Variants in FRMD5 observed in about 807,000 individuals in gnomAD.
The protein encoded by FRMD5 is FERM domain-containing protein 5.
In FRMD5, 20 loss-of-function variants were observed where a neutral mutation model predicts 69.0. The observed-to-expected ratio is 0.29, with a 90% CI of 0.20 to 0.42. The LOEUF (loss-of-function observed/expected upper bound fraction) is 0.42. Among genes scored for constraint, FRMD5 ranks in the 10% least tolerant of loss-of-function variants. The pLI, the probability that FRMD5 is intolerant of heterozygous loss-of-function variation, is 1.00. For synonymous variants in FRMD5, 271 were observed against 260.1 expected (o/e 1.04, Z -0.40); for missense variants, 595 against 708.6 (o/e 0.84, Z 1.82).
chr15:43,954,937 T>C (rs1468091028), intron 1 of FRMD5, among the ~76,000 whole-genome samples: 2 of 152,230 alleles, frequency 1.3e-5, no homozygotes, highest in African/African-American at 2.4e-5. Context: ...ATGGAAGCTA[T>C]TATAATAATT....
chr15:44,135,145 A>G (rs2077163112), intron 1 of FRMD5, among the ~76,000 whole-genome samples: 1 of 152,244 alleles, frequency 6.6e-6, no homozygotes, highest in Non-Finnish European at 1.5e-5. Flanking sequence ...ACTATACCTC[A>G]GAGTACTGAA....
chr15:43,917,266 AC>A (rs1240299595), intron 4 of FRMD5, among the ~76,000 whole-genome samples: 5 of 152,368 alleles, frequency 3.3e-5, no homozygotes, highest in Admixed American at 1.3e-4. Flanking sequence ...AGACAGGAGT[AC>A]CAACTTTGGG....
chr15:44,120,511 TA>T (rs939991365), intron 1 of FRMD5, among the ~76,000 whole-genome samples: 19 of 150,030 alleles, frequency 1.3e-4, no homozygotes, highest in African/African-American at 4.4e-4. Flanking sequence ...TCCCCAAAAG[TA>T]GGGATTATTG....
chr15:43,913,925 G>A (rs1443222510), intron 4 of FRMD5, among the ~76,000 whole-genome samples: 3 of 152,288 alleles, frequency 2.0e-5, no homozygotes, highest in Middle Eastern at 3.4e-3. Context: ...GCTCTAGACC[G>A]GATTTAGGAG....
At chr15:44,114,144 A>G (rs2076836998) in intron 1 of FRMD5, among the ~76,000 whole-genome samples, 1 of 152,230 alleles carries the variant, frequency 6.6e-6, no homozygotes, top group South Asian at 2.1e-4. Flanking sequence ...TGAAATTCAT[A>G]TAAAGAATGT....
chr15:43,965,791 G>A (rs1349986798), intron 1 of FRMD5, among the ~76,000 whole-genome samples: 1 of 151,792 alleles, frequency 6.6e-6, no homozygotes, highest in Non-Finnish European at 1.5e-5. Flanking sequence ...ATGTTGTCAG[G>A]CTGGTCTCGA....
rs192686544 is a variant in FRMD5, at chr15:44,129,596, T to A, written c.102+65357A>T. 1.4e-3 allele frequency among the ~76,000 whole-genome samples: 213 copies of A among 152,262 alleles called. 2 individuals are homozygous for A. The highest frequency in any genetic ancestry group is 2.6e-3 in the Non-Finnish European group (175 of 68,032). On this transcript the variant is annotated intron_variant, in intron 1 of 13. Transcript: ENST00000417257. ...CTCTGCAGTCCCCAGATATTAGAAC[T>A]CAGTTTCTGCTTCAATATCCCATTA... is the stretch of plus-strand genomic sequence containing the variant.
chr15:44,009,803 G>C (rs778151409), intron 1 of FRMD5, among the ~76,000 whole-genome samples: 1 of 152,132 alleles, frequency 6.6e-6, no homozygotes, highest in Non-Finnish European at 1.5e-5. Flanking sequence ...GCTTGCTCCA[G>C]GTCCCAGGCT....
At chr15:44,021,773 T>G (rs547034401) in intron 1 of FRMD5, among the ~76,000 whole-genome samples, 1 of 152,048 alleles carries the variant, frequency 6.6e-6, no homozygotes, top group East Asian at 1.9e-4. Context: ...TACCATACAA[T>G]CCAGCAATTC....
chr15:44,130,227 G>A (rs917488141), intron 1 of FRMD5, among the ~76,000 whole-genome samples: 4 of 152,184 alleles, frequency 2.6e-5, no homozygotes, highest in Admixed American at 2.6e-4. Flanking sequence ...GACCATGAGA[G>A]ACTGACATCC....
intron 7 of FRMD5, among the ~76,000 whole-genome samples, chr15:43,897,913 C>T (rs1335271740): frequency 1.3e-5 from 2 of 148,942 alleles, no homozygotes; most frequent in African/African-American, 2.6e-5. Context: ...ATGGCATCTC[C>T]CCCCTCATTC....
intron 1 of FRMD5, among the ~76,000 whole-genome samples, chr15:44,040,789 T>C (rs560380250): frequency 6.6e-6 from 1 of 151,902 alleles, no homozygotes; most frequent in Non-Finnish European, 1.5e-5. Context: ...AGCATCATAA[T>C]GACAGGATCA....
Position 43,901,967 on chromosome 15 carries a change from G to A in FRMD5, c.639+208C>T, listed in dbSNP as rs559475675. 7 of 537,632 alleles carry A rather than the reference G, an allele frequency of 1.3e-5. No homozygotes were observed. The East Asian group carries it at 1.6e-4, about 12-fold the overall frequency. 33.3% of individuals were successfully genotyped at this position (537,632 alleles called of 1,614,324 possible). The stretch of plus-strand genomic sequence containing the variant: ...TTGTTATTTAGATTGACTTTGCCTC[G>A]GTTCCTCTGACATTGATGTGGCACC... On this transcript the variant is annotated intron_variant, in intron 7 of 13. Transcript: ENST00000417257.
chr15:44,165,224 G>A lies in FRMD5; in HGVS notation c.102+29729C>T, dbSNP rs151287931. Reference sequence around the variant, plus strand: ...ACCTGAGGTCAGGAGTTCGAGACCAGCCTGGCCAACATGGCGAAACCCCGT... The same window carrying A: ...ACCTGAGGTCAGGAGTTCGAGACCAACCTGGCCAACATGGCGAAACCCCGT... On this transcript the variant is annotated intron_variant, in intron 1 of 13. Coordinates refer to ENST00000417257, the MANE Select transcript of FRMD5 (RefSeq NM_032892.5). Among the ~76,000 whole-genome samples, 866 of 152,242 alleles carry A rather than the reference G, an allele frequency of 5.7e-3. 8 individuals carry two copies. Among genetic ancestry groups the A allele is most frequent in the East Asian group, 0.032 (166 of 5,150 alleles).
intron 1 of FRMD5, among the ~76,000 whole-genome samples, chr15:44,169,806 TA>T (rs2077769668): frequency 6.6e-6 from 1 of 152,192 alleles, no homozygotes; most frequent in African/African-American, 2.4e-5. Context: ...TTTTTAAAAA[TA>T]TGGTAACTAT....
intron 1 of FRMD5, among the ~76,000 whole-genome samples, chr15:43,945,320 GAAGTA>G (rs1420522418): frequency 2.6e-5 from 4 of 152,032 alleles, no homozygotes; most frequent in Non-Finnish European, 5.9e-5. Flanking sequence ...GTCATTATAG[GAAGTA>G]AAGACTCCCT....
chr15:44,053,375 A>G (rs773880069), intron 1 of FRMD5, among the ~76,000 whole-genome samples: 4 of 152,188 alleles, frequency 2.6e-5, no homozygotes, highest in Non-Finnish European at 4.4e-5. Flanking sequence ...GGGTAGTGAC[A>G]TCTTGAAATT....
intron 5 of FRMD5, among the ~76,000 whole-genome samples, chr15:43,907,426 G>A (rs890468347): frequency 6.6e-6 from 1 of 152,108 alleles, no homozygotes; most frequent in Non-Finnish European, 1.5e-5. Context: ...CTGGAGTGCA[G>A]TGGCATGATC....
chr15:44,170,435 A>C (rs1340672204), intron 1 of FRMD5, among the ~76,000 whole-genome samples: 1 of 152,088 alleles, frequency 6.6e-6, no homozygotes, highest in East Asian at 1.9e-4. Context: ...AGGTGAGAGA[A>C]TCACTTGAAC....
Sources: gnomAD v4.1 joint callset for allele counts (sites outside exome capture counted in the v4.1 genomes callset) on GRCh38, gnomAD v4.1.1 for gene constraint, MANE v1.5 for transcripts, NCBI Gene and HGNC (gene_info 2026-07-23, HGNC 2026-07-21) for gene names.